The following CSMD1 variants were observed in gnomAD, a reference collection of about 807,000 sequenced individuals.
CSMD1 encodes CUB and Sushi multiple domains 1, also known as CUB and sushi domain-containing protein 1.
In CSMD1, 213 loss-of-function variants were observed where a neutral mutation model predicts 417.5. The ratio of observed to expected loss-of-function variants is 0.51; its 90% CI spans 0.46 to 0.57. The LOEUF (loss-of-function observed/expected upper bound fraction) is 0.57. Among genes scored for constraint, CSMD1 ranks in the 20% least tolerant of loss-of-function variants. The pLI is 0.00. For missense variants in CSMD1, 6,923 were observed against 4,529.7 expected (o/e 1.53, Z -15.17); for synonymous variants, 2,862 against 1,736.8 (o/e 1.65, Z -16.11).
At chr8:3,297,761 C>G (rs1038100343) in intron 25 of CSMD1, among the ~76,000 whole-genome samples, 5 of 151,976 alleles carry the variant, frequency 3.3e-5, no homozygotes, top group African/African-American at 7.3e-5. Context: ...GCAATCTGGA[C>G]ACAAAATCAC....
chr8:4,726,801 C>A (rs1188836306), intron 1 of CSMD1, among the ~76,000 whole-genome samples: 1 of 152,112 alleles, frequency 6.6e-6, no homozygotes, highest in East Asian at 1.9e-4. Flanking sequence ...TGCAATAACA[C>A]AACAATTGAC....
At chr8:4,264,059 G>C (rs1804072685) in intron 3 of CSMD1, among the ~76,000 whole-genome samples, 1 of 152,110 alleles carries the variant, frequency 6.6e-6, no homozygotes, top group South Asian at 2.1e-4. Flanking sequence ...TTAACTACCT[G>C]AGCCTCATCT....
intron 3 of CSMD1, among the ~76,000 whole-genome samples, chr8:4,333,421 T>C (rs1799987540): frequency 6.6e-6 from 1 of 152,156 alleles, no homozygotes; most frequent in African/African-American, 2.4e-5. Context: ...AACTACCTGT[T>C]GCCTATGCTT....
At chr8:4,384,036 G>A (rs1021643409) in intron 3 of CSMD1, among the ~76,000 whole-genome samples, 9 of 112,330 alleles carry the variant, frequency 8.0e-5, no homozygotes, top group Middle Eastern at 4.1e-3. Flanking sequence ...CATAACAGAT[G>A]TTTGGTCTTG....
chr8:4,217,788 A>G (rs1240047075), intron 3 of CSMD1, among the ~76,000 whole-genome samples: 2 of 152,188 alleles, frequency 1.3e-5, no homozygotes, highest in African/African-American at 4.8e-5. Flanking sequence ...TTGGGCTAAG[A>G]GACCACAGAG....
intron 11 of CSMD1, among the ~76,000 whole-genome samples, chr8:3,484,119 G>C (rs754476113): frequency 2.0e-5 from 3 of 152,136 alleles, no homozygotes; most frequent in Non-Finnish European, 4.4e-5. Flanking sequence ...ACCTGCCCTA[G>C]AATAGTTAAG....
chr8:3,144,292 G>C (rs1585467654), intron 40 of CSMD1, among the ~76,000 whole-genome samples: 1 of 152,058 alleles, frequency 6.6e-6, no homozygotes, highest in Non-Finnish European at 1.5e-5. Flanking sequence ...CAATAGACTA[G>C]ACAAGAGCTG....
chr8:3,796,583 AT>A (rs1270653007), intron 5 of CSMD1, among the ~76,000 whole-genome samples: 1 of 146,428 alleles, frequency 6.8e-6, no homozygotes, highest in African/African-American at 2.5e-5. Context: ...CTAAGATATA[AT>A]ATATAGATAT....
intron 3 of CSMD1, among the ~76,000 whole-genome samples, chr8:4,123,970 C>G (rs1289988297): frequency 1.3e-5 from 2 of 151,998 alleles, no homozygotes; most frequent in Admixed American, 6.5e-5. Context: ...AAAAAAGTTT[C>G]TGATGTACAG....
At chr8:3,652,241 C>T (rs780907990) in intron 7 of CSMD1, among the ~76,000 whole-genome samples, 2 of 151,948 alleles carry the variant, frequency 1.3e-5, no homozygotes, top group East Asian at 3.9e-4. Flanking sequence ...AGAGCGCCTA[C>T]CAACGTCATT....
chr8:3,846,777 G>C (rs569086916), intron 5 of CSMD1, among the ~76,000 whole-genome samples: 1 of 152,098 alleles, frequency 6.6e-6, no homozygotes, highest in South Asian at 2.1e-4. Context: ...TGGTTCTAGC[G>C]ATTCTCCTGT....
At chr8:3,543,487 G>T (rs540098148) in intron 10 of CSMD1, among the ~76,000 whole-genome samples, 2 of 152,154 alleles carry the variant, frequency 1.3e-5, no homozygotes, top group African/African-American at 4.8e-5. Context: ...GATGATTGCC[G>T]AGACTGGCAA....
At chr8:4,990,343 T>C (rs1811395944) in intron 1 of CSMD1, among the ~76,000 whole-genome samples, 1 of 149,328 alleles carries the variant, frequency 6.7e-6, no homozygotes, top group Non-Finnish European at 1.5e-5. Flanking sequence ...AATACAGAGA[T>C]ATTAACTTCA....
intron 1 of CSMD1, among the ~76,000 whole-genome samples, chr8:4,712,153 G>C (rs991111551): frequency 1.1e-4 from 17 of 152,200 alleles, no homozygotes; most frequent in Non-Finnish European, 1.9e-4. Context: ...GCATAGACCA[G>C]TGAACCTCTT....
At chr8:4,162,686 A>G (rs1010687247) in intron 3 of CSMD1, among the ~76,000 whole-genome samples, 1 of 152,142 alleles carries the variant, frequency 6.6e-6, no homozygotes, top group Non-Finnish European at 1.5e-5. Flanking sequence ...AGCCTCCCCA[A>G]CTATCAACAT....
intron 62 of CSMD1, 47 bp from the exon 63 acceptor site, chr8:2,957,854 G>T: frequency 7.6e-7 from 1 of 1,316,288 alleles, no homozygotes; most frequent in Non-Finnish European, 1.1e-6. Context: ...GGGAATATAC[G>T]AAGTGTCAAC....
chr8:4,504,735 T>C (rs1200214347), intron 2 of CSMD1, among the ~76,000 whole-genome samples: 1 of 152,178 alleles, frequency 6.6e-6, no homozygotes, highest in Non-Finnish European at 1.5e-5. Context: ...ATGTGATGTT[T>C]GGTTTTCTGT....
chr8:4,491,788 G>A (rs1177575163), intron 2 of CSMD1, among the ~76,000 whole-genome samples: 1 of 152,168 alleles, frequency 6.6e-6, no homozygotes. Context: ...CAGAATGGTA[G>A]AGTCACGTTG....
At chr8:3,792,599 T>C (rs1799812369) in intron 5 of CSMD1, among the ~76,000 whole-genome samples, 1 of 152,134 alleles carries the variant, frequency 6.6e-6, no homozygotes, top group Admixed American at 6.5e-5. Flanking sequence ...ACCTTCCTCT[T>C]CCTTTCACCC....
Sources: allele counts gnomAD v4.1 joint callset (sites outside exome capture counted in the v4.1 genomes callset), GRCh38; gene constraint gnomAD v4.1.1; transcripts MANE v1.5; gene names NCBI Gene and HGNC (gene_info 2026-07-23, HGNC 2026-07-21).